Variants in CHRM3 observed in about 807,000 individuals in gnomAD.
CHRM3 encodes cholinergic receptor muscarinic 3.
Under a neutral mutation model 41.8 loss-of-function variants are expected in CHRM3, and 11 were observed. The ratio of observed to expected loss-of-function variants is 0.26; its 90% CI spans 0.17 to 0.44. The LOEUF (loss-of-function observed/expected upper bound fraction) is 0.44. Ranked by LOEUF, CHRM3 falls within the 20% of genes least tolerant of loss-of-function variation. CHRM3 has a pLI of 1.00. For missense variants in CHRM3, 571 were observed against 745.4 expected (o/e 0.77, Z 2.72); for synonymous variants, 297 against 301.4 (o/e 0.99, Z 0.15).
At chr1:239,580,702 T>TATATATATATATATATATATATAC (rs1366394441) in intron 3 of CHRM3, among the ~76,000 whole-genome samples, 13 of 125,696 alleles carry the variant, frequency 1.0e-4, no homozygotes, top group South Asian at 2.5e-4. Context: ...TATATATATA[T>TATATATATATATATATATATATAC]ATACACACAC....
chr1:239,782,397 CAT>C (rs1668574414), intron 5 of CHRM3, among the ~76,000 whole-genome samples: 1 of 152,074 alleles, frequency 6.6e-6, no homozygotes, highest in Non-Finnish European at 1.5e-5. Flanking sequence ...TTGTGGGCAA[CAT>C]GTGTTCATAA....
At chr1:239,481,210 G>A (rs1309465944) in intron 1 of CHRM3, among the ~76,000 whole-genome samples, 2 of 152,154 alleles carry the variant, frequency 1.3e-5, no homozygotes, top group African/African-American at 2.4e-5. Context: ...ACATGCATAT[G>A]TACATATATG....
Position 239,715,010 on chromosome 1 carries a change from G to T in CHRM3, c.-147+36722G>T, listed in dbSNP as rs145810315. Among the ~76,000 whole-genome samples the T allele has an allele frequency of 8.9e-3, 1,359 of 152,200 alleles. 17 individuals are homozygous for T. Among genetic ancestry groups the T allele is most frequent in the African/African-American group, 0.031 (1,288 of 41,554 alleles). On this transcript the variant is annotated intron_variant, in intron 5 of 6. Coordinates refer to ENST00000676153, the MANE Select transcript of CHRM3 (RefSeq NM_001375978.1). Reference sequence around the variant, plus strand: ...AGAACCCAGAAAAGAAAAGACCATGGAGGTAAGGGGGAATTCAGGGAATGA... The same window carrying T: ...AGAACCCAGAAAAGAAAAGACCATGTAGGTAAGGGGGAATTCAGGGAATGA...
intron 5 of CHRM3, among the ~76,000 whole-genome samples, chr1:239,770,697 A>G (rs1472754016): frequency 6.6e-6 from 1 of 152,164 alleles, no homozygotes; most frequent in Non-Finnish European, 1.5e-5. Flanking sequence ...GGGAACTATT[A>G]GACTTAAAAT....
In CHRM3 at chr1:239,743,430, T is replaced by C. The variant is rs368437863; in HGVS notation, c.-147+65142T>C. Among the ~76,000 whole-genome samples the C allele has an allele frequency of 9.2e-5, 14 of 152,286 alleles. 1 individual carries two copies. The South Asian group carries it at 2.3e-3, about 25-fold the overall frequency. On this transcript the variant is annotated intron_variant, in intron 5 of 6. Coordinates refer to ENST00000676153, the MANE Select transcript of CHRM3 (RefSeq NM_001375978.1). ...ACAATAGATACAGGTGGCTCAGTGT[T>C]AATGGAGGTGGCCTGAGCATGAGAG... is the stretch of plus-strand genomic sequence containing the variant.
chr1:239,637,260 C>A (rs746499978), intron 4 of CHRM3, among the ~76,000 whole-genome samples: 1 of 151,906 alleles, frequency 6.6e-6, no homozygotes, highest in Non-Finnish European at 1.5e-5. Context: ...ACTAAATATT[C>A]TTTTTAAACA....
intron 1 of CHRM3, among the ~76,000 whole-genome samples, chr1:239,479,831 T>C (rs1018248245): frequency 6.6e-6 from 1 of 152,204 alleles, no homozygotes; most frequent in Non-Finnish European, 1.5e-5. Context: ...GACTGCAAGT[T>C]GCTCTAGGTG....
intron 1 of CHRM3, among the ~76,000 whole-genome samples, chr1:239,421,152 C>T (rs1661926588): frequency 6.6e-6 from 1 of 152,106 alleles, no homozygotes; most frequent in South Asian, 2.1e-4. Flanking sequence ...ATTTATTGTG[C>T]ATTTAAAAGG....
chr1:239,708,372 A>G (rs1661392524), intron 5 of CHRM3, among the ~76,000 whole-genome samples: 1 of 152,110 alleles, frequency 6.6e-6, no homozygotes, highest in Admixed American at 6.6e-5. Context: ...GAGACTTCCA[A>G]TTGCCCTCCC....
At chr1:239,648,875 T>C (rs1041668296) in intron 4 of CHRM3, among the ~76,000 whole-genome samples, 3 of 152,166 alleles carry the variant, frequency 2.0e-5, no homozygotes, top group South Asian at 2.1e-4. Flanking sequence ...GACTGACACA[T>C]GAATCAGTGA....
At chr1:239,402,143 A>G (rs148479026) in intron 1 of CHRM3, among the ~76,000 whole-genome samples, 234 of 152,248 alleles carry the variant, frequency 1.5e-3, no homozygotes, top group African/African-American at 5.3e-3. Flanking sequence ...CCTCTAATGT[A>G]TGATTTGGAG....
intron 5 of CHRM3, among the ~76,000 whole-genome samples, chr1:239,711,944 T>C (rs1225068287): frequency 1.3e-5 from 2 of 152,086 alleles, no homozygotes; most frequent in Non-Finnish European, 2.9e-5. Flanking sequence ...CATTCCCCTT[T>C]AGCTATAGCT....
chr1:239,814,809 G>T (rs554200889), intron 5 of CHRM3, among the ~76,000 whole-genome samples: 1 of 152,088 alleles, frequency 6.6e-6, no homozygotes, highest in Non-Finnish European at 1.5e-5. Context: ...TTGAGACACA[G>T]TCTTTCTCTG....
intron 1 of CHRM3, among the ~76,000 whole-genome samples, chr1:239,458,430 T>G (rs1288444136): frequency 2.0e-5 from 3 of 152,072 alleles, no homozygotes; most frequent in African/African-American, 7.2e-5. Context: ...ATTGGTGTGG[T>G]TTCAACTAAG....
chr1:239,430,369 A>C (rs1229774154), intron 1 of CHRM3, among the ~76,000 whole-genome samples: 2 of 152,142 alleles, frequency 1.3e-5, no homozygotes, highest in Non-Finnish European at 2.9e-5. Flanking sequence ...AGATTAACTA[A>C]ATAGATGCCC....
chr1:239,655,230 C>G (rs1672610204), intron 4 of CHRM3, among the ~76,000 whole-genome samples: 1 of 152,146 alleles, frequency 6.6e-6, no homozygotes, highest in South Asian at 2.1e-4. Context: ...GTAAGGTCTC[C>G]CAGACCCCAG....
At chr1:239,704,163 TGCACAAA>T (rs1660931576) in intron 5 of CHRM3, 1 of 152,188 alleles carries the variant, frequency 6.6e-6, no homozygotes, top group African/African-American at 2.4e-5. Context: ...CTGTGATTTT[TGCACAAA>T]GAACATTGAA....
chr1:239,864,718 G>A (rs920094070), intron 6 of CHRM3, among the ~76,000 whole-genome samples: 1 of 152,106 alleles, frequency 6.6e-6, no homozygotes, highest in Non-Finnish European at 1.5e-5. Flanking sequence ...TTTTCTGAAG[G>A]TGCTGCAACC....
In CHRM3 at chr1:239,787,681, A is replaced by G. The variant is rs569175595; in HGVS notation, c.-146-39571A>G. Among the ~76,000 whole-genome samples, 12 of 152,190 alleles carry G rather than the reference A, an allele frequency of 7.9e-5. No individual in the cohort carries two copies. In the South Asian group the frequency reaches 2.1e-3, roughly 26 times the overall value. ...GGGGAAGCGGGAACAGCTACCTCAC[A>G]CTCCTCTGTTAATGAGAATAAGCGT... On this transcript the variant is annotated intron_variant, in intron 5 of 6. Transcript: ENST00000676153.
Sources: allele counts gnomAD v4.1 joint callset (sites outside exome capture counted in the v4.1 genomes callset), GRCh38; gene constraint gnomAD v4.1.1; transcripts MANE v1.5; gene names NCBI Gene and HGNC (gene_info 2026-07-23, HGNC 2026-07-21).